The following MEGF6 variants were observed in gnomAD, a reference collection of about 807,000 sequenced individuals.
MEGF6 encodes the protein multiple EGF like domains 6.
A neutral mutation model predicts 207.1 loss-of-function variants in MEGF6; 184 were observed. The ratio of observed to expected loss-of-function variants is 0.89; its 90% CI spans 0.79 to 1.00. The LOEUF (loss-of-function observed/expected upper bound fraction) is 1.00. MEGF6 is among the 50% of genes least tolerant of loss of function. MEGF6 has a pLI of 0.00. For missense variants in MEGF6, 2,282 were observed against 2,202.9 expected (o/e 1.04, Z -0.72); for synonymous variants, 1,038 against 910.0 (o/e 1.14, Z -2.53).
Position 3,515,547 on chromosome 1 carries a change from C to T in MEGF6, c.605-20G>A, listed in dbSNP as rs1159451380. 6.2e-7 allele frequency: 1 copy of T among 1,607,350 alleles called. No homozygotes were observed. The highest frequency in any genetic ancestry group is 8.5e-7 in the Non-Finnish European group (1 of 1,176,094). ...TAATGGCTGGGGACACAGGGAGGACCCCAAGTCAGCCCAAGAGGATGCCTG... is the reference window on the plus strand; with the variant it reads ...TAATGGCTGGGGACACAGGGAGGACTCCAAGTCAGCCCAAGAGGATGCCTG... On this transcript the variant is annotated intron_variant, in intron 5 of 36. Coordinates refer to ENST00000356575, the MANE Select transcript of MEGF6 (RefSeq NM_001409.4).
At chr1:3,570,177 G>A (rs1017285531) in intron 4 of MEGF6, among the ~76,000 whole-genome samples, 1 of 152,076 alleles carries the variant, frequency 6.6e-6, no homozygotes, top group African/African-American at 2.4e-5. Flanking sequence ...TGTCCCAGCC[G>A]ACTGTCACGC....
intron 4 of MEGF6, among the ~76,000 whole-genome samples, chr1:3,551,825 C>T (rs1642894450): frequency 6.6e-6 from 1 of 152,194 alleles, no homozygotes; most frequent in African/African-American, 2.4e-5. Context: ...GATCACCCTG[C>T]CCGAGGCCAC....
In MEGF6 at chr1:3,496,012, G is replaced by A. The variant is rs760028879; in HGVS notation, c.3749C>T (p.Pro1250Leu). 61 of 1,526,666 alleles carry A rather than the reference G, an allele frequency of 4.0e-5. No homozygotes were observed. Among genetic ancestry groups the A allele is most frequent in the South Asian group, 2.5e-4 (20 of 80,472 alleles). 94.6% of individuals were successfully genotyped at this position (1,526,666 alleles called of 1,614,324 possible). A position where few individuals can be genotyped will look rare whatever the true frequency, so the allele number is the denominator to read the frequency against. Residue 1250 changes from proline (P) to leucine (L), a missense_variant, in exon 30 of 37, where the codon CCG becomes CTG. Transcript: ENST00000356575. ...GCAGTTGGGGCCGAAGCGGCCCTGC[G>A]GACAGGCTGCCGGGGAGGAAGTGGT... The part of the protein sequence containing the change: ...FLGTDCNLTC[P>L]QGRFGPNCTH...
At chr1:3,531,489 A>T in intron 4 of MEGF6, 1 of 1,062,396 alleles carries the variant, frequency 9.4e-7, no homozygotes. Context: ...AAGTCCGCAG[A>T]CAACCGAGGG....
intron 3 of MEGF6, among the ~76,000 whole-genome samples, chr1:3,583,985 C>G (rs1441698142): frequency 6.6e-6 from 1 of 152,250 alleles, no homozygotes; most frequent in Non-Finnish European, 1.5e-5. Flanking sequence ...CCCTCATTCA[C>G]AGAATGGGAA....
chr1:3,498,418 C>T lies in MEGF6; in HGVS notation c.3305G>A (p.Gly1102Asp), dbSNP rs1212852634. 6 of 1,590,858 alleles carry T rather than the reference C, an allele frequency of 3.8e-6. No homozygotes were observed. The Admixed American group carries it at 1.0e-4, about 27-fold the overall frequency. Residue 1102 changes from glycine (G) to aspartate (D), a missense_variant, in exon 26 of 37, where the codon GGC becomes GAC. Transcript: ENST00000356575. ...CCAGCCGGCTGGGCAGAGGCAGCGG[C>T]CCGTGTGCGGGTCACACAGGCCCCC... ...LNGGLCDPHT[G>D]RCLCPAGWTG...
chr1:3,496,722 G>C lies in MEGF6; in HGVS notation c.3675C>G (p.Gly1225=), dbSNP rs757456516. ...CEQLCGCLNG[G]SCDAATGACR... ...AGGCCCCCGTGGCCGCATCACAGGAGCCCCCGTTGAGACACCCACACAGCT... is the reference window on the plus strand; with the variant it reads ...AGGCCCCCGTGGCCGCATCACAGGACCCCCCGTTGAGACACCCACACAGCT... The change falls in exon 29 of 37, where the codon GGC becomes GGG. Residue 1225 remains glycine (G), a synonymous_variant. Transcript: ENST00000356575. 6.4e-7 allele frequency: 1 copy of C among 1,558,760 alleles called. No individual in the cohort carries two copies. Among genetic ancestry groups the C allele is most frequent in the Non-Finnish European group, 8.7e-7 (1 of 1,152,022 alleles).
intron 1 of MEGF6, among the ~76,000 whole-genome samples, chr1:3,604,499 G>T (rs1191929908): frequency 6.6e-6 from 1 of 152,198 alleles, no homozygotes; most frequent in East Asian, 1.9e-4. Context: ...AGGTGGAAAG[G>T]CTCTGCCATT....
At chr1:3,497,806 G>T (rs1030266927) in intron 26 of MEGF6, among the ~76,000 whole-genome samples, 1 of 152,192 alleles carries the variant, frequency 6.6e-6, no homozygotes, top group African/African-American at 2.4e-5. Flanking sequence ...CCTGACCTGA[G>T]CAAGGGACCG....
chr1:3,508,998 G>A, intron 12 of MEGF6, 77 bp downstream of exon 12: 1 of 1,415,128 alleles, frequency 7.1e-7, no homozygotes, highest in Non-Finnish European at 9.3e-7. Context: ...CCTCTGATTG[G>A]ATGGCAGCCT....
chr1:3,610,540 T>C (rs1644311651), intron 1 of MEGF6, among the ~76,000 whole-genome samples: 1 of 152,190 alleles, frequency 6.6e-6, no homozygotes. Context: ...ACACAAGGAT[T>C]GATTTGCTGT....
intron 4 of MEGF6, among the ~76,000 whole-genome samples, chr1:3,570,411 T>C (rs1557784024): frequency 6.6e-6 from 1 of 152,076 alleles, no homozygotes. Context: ...TTAAAGAGGA[T>C]GTGCGTGGAA....
Position 3,578,773 on chromosome 1 carries a change from C to A in MEGF6, c.481+1052G>T, listed in dbSNP as rs147896555. Among the ~76,000 whole-genome samples the A allele has an allele frequency of 7.3e-3, 1,014 of 139,406 alleles. 23 individuals carry two copies. Among genetic ancestry groups the A allele is most frequent in the Non-Finnish European group, 0.011 (698 of 64,178 alleles). The allele number at this position is 139,406 out of a possible 152,430, so 91.5% of individuals were successfully genotyped here. A position where few individuals can be genotyped will look rare whatever the true frequency, so the allele number is the denominator to read the frequency against. ...CCCAGCTCAGAACTCTGGGGAGACC[C>A]AGCACCTCTGCAGAACCCCTCCTCA... On this transcript the variant is annotated intron_variant, in intron 4 of 36. Transcript: ENST00000356575.
intron 35 of MEGF6, 75 bp from the exon 36 acceptor site, chr1:3,491,034 A>G: frequency 7.3e-7 from 1 of 1,374,056 alleles, no homozygotes. Context: ...GCAAGGCGTG[A>G]CCCCATCCAG....
At chr1:3,602,681 G>A in intron 1 of MEGF6, 81 bp from the exon 2 acceptor site, 1 of 1,519,982 alleles carries the variant, frequency 6.6e-7, no homozygotes. Flanking sequence ...CCAGCCTTGG[G>A]TGTCAGCTCA....
intron 1 of MEGF6, among the ~76,000 whole-genome samples, chr1:3,610,231 C>T (rs1285317036): frequency 6.6e-6 from 1 of 152,212 alleles, no homozygotes; most frequent in African/African-American, 2.4e-5. Flanking sequence ...ACCAGCTCGA[C>T]GTGGCAGCTT....
chr1:3,618,226 C>T, the MEGF6 span, among the ~76,000 whole-genome samples: 2 of 152,198 alleles, frequency 1.3e-5, no homozygotes, highest in African/African-American at 2.4e-5. This position sits in a 1 kb window ranked among gnomAD's most constrained non-coding sequence, Gnocchi z 4.7. Context: ...GCGGTGTGGG[C>T]CGCACCCTGC....
At chr1:3,605,252 G>T (rs1236188193) in intron 1 of MEGF6, among the ~76,000 whole-genome samples, 1 of 151,000 alleles carries the variant, frequency 6.6e-6, no homozygotes, top group Non-Finnish European at 1.5e-5. Context: ...CTAACAGAAG[G>T]CACTCACACA....
rs531934140 is a variant in MEGF6, at chr1:3,531,303, C to T, written c.482-7057G>A. On this transcript the variant is annotated intron_variant, in intron 4 of 36. Coordinates refer to ENST00000356575, the MANE Select transcript of MEGF6 (RefSeq NM_001409.4). ...GGACCAACCGCGCTGCGCCCTAAGC[C>T]GGCGGCCGGGCGACGGGGCAGGCGG... 1,057 of 1,250,052 alleles carry T rather than the reference C, an allele frequency of 8.5e-4. 10 individuals carry two copies. The African/African-American group carries it at 0.014, about 17-fold the overall frequency. The allele number at this position is 1,250,052 out of a possible 1,614,324, so 77.4% of individuals were successfully genotyped here.
Sources: allele counts gnomAD v4.1 joint callset (sites outside exome capture counted in the v4.1 genomes callset), GRCh38; gene constraint gnomAD v4.1.1; non-coding constraint Gnocchi (gnomAD v3.1); transcripts MANE v1.5; gene names NCBI Gene and HGNC (gene_info 2026-07-23, HGNC 2026-07-21).